Variants in DENND1B observed in about 807,000 individuals in gnomAD.
DENND1B encodes the protein DENN domain containing 1B.
A neutral mutation model predicts 90.1 loss-of-function variants in DENND1B; 59 were observed. The observed-to-expected ratio is 0.65, with a 90% CI of 0.53 to 0.81. DENND1B has a LOEUF of 0.81. Among genes scored for constraint, DENND1B ranks in the 40% least tolerant of loss-of-function variants. DENND1B has a pLI of 0.00. For synonymous variants in DENND1B, 337 were observed against 324.6 expected, an observed-to-expected ratio of 1.04 and a Z score of -0.41; for missense variants, 862 against 912.6, an observed-to-expected ratio of 0.94 and a Z score of 0.71.
chr1:197,706,824 T>C (rs1395224003), intron 3 of DENND1B, among the ~76,000 whole-genome samples: 1 of 151,994 alleles, frequency 6.6e-6, no homozygotes, highest in Non-Finnish European at 1.5e-5. Flanking sequence ...ACACTGTTGG[T>C]GGGAATGTAA....
intron 2 of DENND1B, among the ~76,000 whole-genome samples, chr1:197,718,913 AT>A (rs1660895916): frequency 6.6e-6 from 1 of 152,204 alleles, no homozygotes; most frequent in African/African-American, 2.4e-5. Flanking sequence ...AGTAGTATAA[AT>A]CAAGTTAGAA....
chr1:197,719,848 T>C (rs1045749639), intron 2 of DENND1B, among the ~76,000 whole-genome samples: 1 of 152,314 alleles, frequency 6.6e-6, no homozygotes, highest in African/African-American at 2.4e-5. Context: ...GATACAAATG[T>C]ATTTTAAAAC....
At chr1:197,514,525 T>C (rs972599144) in intron 20 of DENND1B, among the ~76,000 whole-genome samples, 2 of 151,678 alleles carry the variant, frequency 1.3e-5, no homozygotes, top group African/African-American at 4.8e-5. Context: ...ACTTGAAATA[T>C]TCCCAGATTA....
At chr1:197,675,973 G>A (rs955156077) in intron 3 of DENND1B, among the ~76,000 whole-genome samples, 6 of 149,472 alleles carry the variant, frequency 4.0e-5, no homozygotes, top group South Asian at 2.1e-4. Flanking sequence ...GCCTCAGCTC[G>A]CTTCCCAACT....
intron 20 of DENND1B, among the ~76,000 whole-genome samples, chr1:197,529,129 G>C (rs1346207092): frequency 6.8e-6 from 1 of 148,022 alleles, no homozygotes; most frequent in African/African-American, 2.5e-5. Flanking sequence ...TTCTCATGCT[G>C]TTTTTACATA....
chr1:197,769,523 C>G (rs552198548), intron 2 of DENND1B, among the ~76,000 whole-genome samples: 54 of 152,146 alleles, frequency 3.5e-4, no homozygotes, highest in Non-Finnish European at 5.6e-4. Context: ...TCCAATGACA[C>G]CATTACTGTG....
chr1:197,715,403 A>T (rs1327464059), intron 2 of DENND1B, among the ~76,000 whole-genome samples: 1 of 151,902 alleles, frequency 6.6e-6, no homozygotes, highest in Non-Finnish European at 1.5e-5. Flanking sequence ...TGAATTTTCT[A>T]TTTTAACTAC....
chr1:197,545,589 A>C, intron 18 of DENND1B: 1 of 209,394 alleles, frequency 4.8e-6, no homozygotes, highest in Non-Finnish European at 9.4e-6. Flanking sequence ...CTTGAGCCGC[A>C]AGTACACAGC....
chr1:197,640,893 G>A lies in DENND1B; in HGVS notation c.672+1818C>T, dbSNP rs543803170. Among the ~76,000 whole-genome samples, 4 of 152,074 alleles carry A rather than the reference G, an allele frequency of 2.6e-5. No homozygotes were observed. In the East Asian group the frequency reaches 7.8e-4, roughly 30 times the overall value. On this transcript the variant is annotated intron_variant, in intron 10 of 22. Transcript: ENST00000620048. ...AACCCAAGGCAGGAGGATCCATTGA[G>A]CCCAGGAGTTTGAGACCAGCCTGGG...
At chr1:197,761,064 T>A (rs1406025261) in intron 2 of DENND1B, among the ~76,000 whole-genome samples, 2 of 152,176 alleles carry the variant, frequency 1.3e-5, no homozygotes, top group East Asian at 1.9e-4. Flanking sequence ...TTGATGAAAT[T>A]GTGCTGCTCC....
intron 2 of DENND1B, among the ~76,000 whole-genome samples, chr1:197,725,845 C>A (rs906152451): frequency 3.9e-5 from 6 of 152,020 alleles, no homozygotes; most frequent in Non-Finnish European, 1.5e-5. Context: ...CATATTTTAA[C>A]AGGATCACCC....
intron 6 of DENND1B, among the ~76,000 whole-genome samples, chr1:197,657,412 G>C (rs1230716844): frequency 6.6e-6 from 1 of 152,020 alleles, no homozygotes; most frequent in Non-Finnish European, 1.5e-5. Context: ...TTTATCCCAG[G>C]TTGTAATTTT....
rs529249971 is a variant in DENND1B at position 197,696,474 on chromosome 1, G to A, written c.126+18557C>T. ...TTAATTTCACCTCCTACAGAAATGA[G>A]GGACAGAGGAGAGAACAAACAAGTC... On this transcript the variant is annotated intron_variant, in intron 3 of 22. Transcript: ENST00000620048. 1.6e-3 allele frequency among the ~76,000 whole-genome samples: 245 copies of A among 151,488 alleles called. 1 individual carries two copies. Among genetic ancestry groups the A allele is most frequent in the Non-Finnish European group, 3.1e-3 (211 of 67,548 alleles).
intron 2 of DENND1B, among the ~76,000 whole-genome samples, chr1:197,753,764 GC>G (rs913491146): frequency 1.7e-4 from 26 of 152,036 alleles, no homozygotes; most frequent in Admixed American, 1.7e-3. Context: ...ACTTTGGAAG[GC>G]CCAGGCAGGC....
At chr1:197,544,804 A>AGAAGAGGAAGAGGAG (rs1553281300) in intron 18 of DENND1B, among the ~76,000 whole-genome samples, 13,220 of 128,010 alleles carry the variant, frequency 0.1, 1,120 homozygotes, top group Non-Finnish European at 0.14. Flanking sequence ...AGGAGGAAGA[A>AGAAGAGGAAGAGGAG]GAAGAAGAGG....
chr1:197,700,069 C>G (rs886698109), intron 3 of DENND1B, among the ~76,000 whole-genome samples: 1 of 152,138 alleles, frequency 6.6e-6, no homozygotes, highest in African/African-American at 2.4e-5. Flanking sequence ...TTATTTCCAT[C>G]AAACTACCAT....
chr1:197,581,010 G>A (rs1558975), intron 15 of DENND1B, among the ~76,000 whole-genome samples: 145,947 of 152,278 alleles, frequency 0.96, 70,240 homozygotes, highest in East Asian at 1. Context: ...TCCTGGGTCA[G>A]AGTCCTCTCA....
At chr1:197,528,721 G>A (rs921094577) in intron 20 of DENND1B, among the ~76,000 whole-genome samples, 2 of 151,094 alleles carry the variant, frequency 1.3e-5, no homozygotes, top group Non-Finnish European at 3.0e-5. Flanking sequence ...TTAGCCGGGC[G>A]TAGTGGCGGG....
intron 7 of DENND1B, among the ~76,000 whole-genome samples, chr1:197,647,457 T>C (rs1437228497): frequency 6.6e-6 from 1 of 152,196 alleles, no homozygotes; most frequent in Non-Finnish European, 1.5e-5. Context: ...AAAACTTACA[T>C]AATCATCCAT....
Sources: gnomAD v4.1 joint callset for allele counts (sites outside exome capture counted in the v4.1 genomes callset) on GRCh38, gnomAD v4.1.1 for gene constraint, MANE v1.5 for transcripts, NCBI Gene and HGNC (gene_info 2026-07-23, HGNC 2026-07-21) for gene names.